GRK4: variants seen among roughly 807,000 people sequenced by gnomAD.
GRK4 encodes the protein G protein-coupled receptor kinase 2-like.
A neutral mutation model predicts 77.9 loss-of-function variants in GRK4; 73 were observed. That is an observed-to-expected ratio of 0.94 (90% CI 0.78 to 1.14). The LOEUF is 1.14. Among genes scored for constraint, GRK4 ranks in the 50% most tolerant of loss-of-function variants. The pLI, the probability that GRK4 is intolerant of heterozygous loss-of-function variation, is 0.00. For synonymous variants in GRK4, 257 were observed against 254.4 expected, an observed-to-expected ratio of 1.01 and a Z score of -0.10; for missense variants, 729 against 700.2, an observed-to-expected ratio of 1.04 and a Z score of -0.46.
intron 1 of GRK4, among the ~76,000 whole-genome samples, chr4:2,971,770 T>A (rs1004684371): frequency 6.6e-6 from 1 of 152,202 alleles, no homozygotes; most frequent in African/African-American, 2.4e-5. Flanking sequence ...GTCGCAGGCC[T>A]CTCTCCCAGC....
In GRK4 at chr4:2,963,616, A is replaced by G. The variant is rs940427934; in HGVS notation, c.-455A>G. ...GCGAGGGGCGCTCCCTCTTCAGCTA[A>G]GCCGTTAGCGCCGAGCCCGCCCGGG... On this transcript the variant is annotated 5_prime_UTR_variant, in exon 1 of 16. Coordinates refer to ENST00000398052, the MANE Select transcript of GRK4 (RefSeq NM_182982.3). 73 of 416,514 alleles carry G rather than the reference A, an allele frequency of 1.8e-4. No homozygotes were observed. The highest frequency in any genetic ancestry group is 1.5e-3 in the African/African-American group (69 of 47,500). 25.8% of individuals were successfully genotyped at this position (416,514 alleles called of 1,614,324 possible). A position where few individuals can be genotyped will look rare whatever the true frequency, so the allele number is the denominator to read the frequency against.
chr4:3,017,838 A>G (rs1006719258), intron 8 of GRK4, among the ~76,000 whole-genome samples: 6 of 152,234 alleles, frequency 3.9e-5, no homozygotes, highest in Non-Finnish European at 8.8e-5. Context: ...TACAGAAAGG[A>G]ACTTCCTTCA....
chr4:2,963,887 GCGGCGGCGGCGGCGCCCTTGGTGGC>G lies in GRK4; in HGVS notation c.-183_-159del. 1.6e-6 allele frequency: 1 copy of G among 630,786 alleles called. No homozygotes were observed. The highest frequency in any genetic ancestry group is 2.8e-6 in the Non-Finnish European group (1 of 355,506). The allele number at this position is 630,786 out of a possible 1,614,324, so 39.1% of individuals were successfully genotyped here. On this transcript the variant is annotated 5_prime_UTR_variant, in exon 1 of 16. Coordinates refer to ENST00000398052, the MANE Select transcript of GRK4 (RefSeq NM_182982.3). Reference sequence around the variant, plus strand: ...CCCCTGCTGGTGAGGGCCTGCGGAGGCGGCGGCGGCGGCGCCCTTGGTGGCAGTGGTGGCGGCGGAGCAGCCTCCC... The same window carrying G: ...CCCCTGCTGGTGAGGGCCTGCGGAGGAGTGGTGGCGGCGGAGCAGCCTCCC...
At position 3,037,383 on chromosome 4, in the gene GRK4, G is replaced by A. The variant is rs35024854; in HGVS notation, c.1417G>A (p.Val473Ile). Reference sequence around the variant, plus strand: ...TGTTCTTGCTACACAGCCTCATGCCGTTTACTGTAAGGACGTCCTGGATAT... The same window carrying A: ...TGTTCTTGCTACACAGCCTCATGCCATTTACTGTAAGGACGTCCTGGATAT... ...EPPFCPDPHA[V>I]YCKDVLDIEQ... The change falls in exon 14 of 16, where the codon GTT (valine) becomes ATT (isoleucine). Residue 473 changes from valine (V) to isoleucine (I), a missense_variant. Physicochemically the swap from Val to Ile is conservative, Grantham distance 29. Transcript: ENST00000398052. The A allele has an allele frequency of 3.2e-4, 505 of 1,599,668 alleles. No homozygotes were observed. Among genetic ancestry groups the A allele is most frequent in the East Asian group, 1.7e-3 (77 of 44,552 alleles).
chr4:3,038,635 C>T (rs1456219007), intron 15 of GRK4, 122 bp downstream of exon 15: 45 of 1,057,738 alleles, frequency 4.3e-5, no homozygotes, highest in South Asian at 8.1e-5. Context: ...CAGTTTTATA[C>T]AGTCTGAGAG....
chr4:3,001,283 A>G (rs1370596138), intron 4 of GRK4, among the ~76,000 whole-genome samples: 1 of 144,642 alleles, frequency 6.9e-6, no homozygotes, highest in Non-Finnish European at 1.5e-5. Context: ...GTATGTATGT[A>G]TACACATACA....
intron 13 of GRK4, among the ~76,000 whole-genome samples, chr4:3,037,144 C>T (rs1740958132): frequency 6.6e-6 from 1 of 151,454 alleles, no homozygotes; most frequent in South Asian, 2.1e-4. Context: ...GGACCTGGCA[C>T]AGACAGTACC....
In GRK4 at chr4:3,031,578, G is replaced by A. The variant is rs527292568; in HGVS notation, c.1269+2169G>A. Among the ~76,000 whole-genome samples the A allele has an allele frequency of 2.7e-3, 418 of 152,314 alleles. 3 individuals are homozygous for A. Among genetic ancestry groups the A allele is most frequent in the African/African-American group, 9.6e-3 (400 of 41,564 alleles). On this transcript the variant is annotated intron_variant, in intron 12 of 15. Transcript: ENST00000398052. ...CTAGAGGACAGACCATGGGCTCGAC[G>A]CTGGCTCCAGTGGACGAGGAAATGG...
At chr4:2,967,035 G>T (rs988144889) in intron 1 of GRK4, 2 of 152,280 alleles carry the variant, frequency 1.3e-5, no homozygotes, top group African/African-American at 4.8e-5. Flanking sequence ...GAACCCTCGT[G>T]AATGGTATTA....
chr4:3,003,044 A>C (rs1730303287), intron 4 of GRK4, among the ~76,000 whole-genome samples: 1 of 152,188 alleles, frequency 6.6e-6, no homozygotes, highest in Non-Finnish European at 1.5e-5. Flanking sequence ...TTCATCTCAC[A>C]GAACTGAAAT....
intron 4 of GRK4, among the ~76,000 whole-genome samples, chr4:3,001,267 GTGTATGTA>G (rs35570856): frequency 1.5e-5 from 1 of 68,022 alleles, no homozygotes; most frequent in East Asian, 2.8e-4. Flanking sequence ...ATATATATGT[GTGTATGTA>G]TGTATGTATA....
At chr4:2,987,757 A>G (rs191804504) in intron 2 of GRK4, among the ~76,000 whole-genome samples, 4 of 152,214 alleles carry the variant, frequency 2.6e-5, no homozygotes, top group Admixed American at 1.3e-4. Context: ...CCTGGCCAAC[A>G]TGGTGAAACC....
rs771220706 is a variant in GRK4 at position 3,037,470 on chromosome 4, C to T, written c.1504C>T (p.Arg502Trp). The T allele has an allele frequency of 1.1e-4, 173 of 1,610,412 alleles. No individual in the cohort carries two copies. The highest frequency in any genetic ancestry group is 1.3e-4 in the Non-Finnish European group (155 of 1,177,058). ...LDTADEDFYA[R>W]FATGCVSIPW... ...CACCGCAGATGAAGACTTCTATGCT[C>T]GGTTTGCTACCGGGTGTGTCTCCAT... Residue 502 changes from arginine (R) to tryptophan (W), a missense_variant, in exon 14 of 16, where the codon CGG (arginine) becomes TGG (tryptophan). Transcript: ENST00000398052.
chr4:2,990,040 A>G (rs554060381), intron 3 of GRK4, among the ~76,000 whole-genome samples: 1 of 152,266 alleles, frequency 6.6e-6, no homozygotes, highest in East Asian at 1.9e-4. Context: ...GTGGACATAT[A>G]TGTCTTATAT....
chr4:3,019,380 A>T (rs1190245294), intron 8 of GRK4, among the ~76,000 whole-genome samples: 1 of 152,204 alleles, frequency 6.6e-6, no homozygotes, highest in Non-Finnish European at 1.5e-5. Flanking sequence ...CATGATCCCA[A>T]GTATCTTGGT....
At chr4:3,033,194 G>A (rs1739624780) in intron 12 of GRK4, among the ~76,000 whole-genome samples, 1 of 152,116 alleles carries the variant, frequency 6.6e-6, no homozygotes, top group Admixed American at 6.6e-5. Context: ...ACCAGCCTGG[G>A]TAACACAGTG....
chr4:3,034,873 G>A (rs546547840), intron 12 of GRK4, among the ~76,000 whole-genome samples: 1 of 152,142 alleles, frequency 6.6e-6, no homozygotes, highest in African/African-American at 2.4e-5. Context: ...TAGCTCAAAG[G>A]CGAAACCTTC....
At chr4:2,979,741 T>C (rs911324011) in intron 1 of GRK4, among the ~76,000 whole-genome samples, 3 of 151,878 alleles carry the variant, frequency 2.0e-5, no homozygotes, top group Admixed American at 6.6e-5. Flanking sequence ...AATCCATGTG[T>C]GGTGGTGCAT....
In GRK4 at chr4:3,030,420, AT is replaced by A. The variant is rs531601984; in HGVS notation, c.1269+1021del. Among the ~76,000 whole-genome samples the A allele has an allele frequency of 3.8e-3, 567 of 147,742 alleles. 2 individuals are homozygous for A. Among genetic ancestry groups the A allele is most frequent in the Admixed American group, 5.5e-3 (82 of 14,800 alleles). On this transcript the variant is annotated intron_variant, in intron 12 of 15. Transcript: ENST00000398052. ...CTTTAAACCAGTATTTTTTTAGCACATTTTTTTTTTCATTTATTTTCATTCA... is the reference window on the plus strand; with the variant it reads ...CTTTAAACCAGTATTTTTTTAGCACATTTTTTTTTCATTTATTTTCATTCA...
Sources: allele counts gnomAD v4.1 joint callset (sites outside exome capture counted in the v4.1 genomes callset), GRCh38; gene constraint gnomAD v4.1.1; transcripts MANE v1.5; gene names NCBI Gene and HGNC (gene_info 2026-07-23, HGNC 2026-07-21).